The following MECOM variants were observed in gnomAD, a reference collection of about 807,000 sequenced individuals.
MECOM encodes histone-lysine N-methyltransferase MECOM.
MECOM carries 13 observed loss-of-function variants against 116.3 expected under a neutral mutation model. The observed-to-expected ratio is 0.11, with a 90% CI of 0.07 to 0.18. The LOEUF (loss-of-function observed/expected upper bound fraction) is 0.18. MECOM is among the 10% of genes least tolerant of loss of function. The pLI, the probability that MECOM is intolerant of heterozygous loss-of-function variation, is 1.00. For missense variants in MECOM, 1,299 were observed against 1,509.0 expected, an observed-to-expected ratio of 0.86 and a Z score of 2.31; for synonymous variants, 528 against 535.2, an observed-to-expected ratio of 0.99 and a Z score of 0.19.
chr3:169,220,932 T>C (rs1195944586), intron 2 of MECOM, among the ~76,000 whole-genome samples: 1 of 152,160 alleles, frequency 6.6e-6, no homozygotes, highest in African/African-American at 2.4e-5. Flanking sequence ...AATCATTTGC[T>C]AAATCAATGA....
chr3:169,288,749 T>C (rs1713881547), intron 2 of MECOM, among the ~76,000 whole-genome samples: 1 of 152,194 alleles, frequency 6.6e-6, no homozygotes, highest in African/African-American at 2.4e-5. Flanking sequence ...GTGATGCTAA[T>C]AGATCTCAAG....
At chr3:169,320,441 A>G (rs535436605) in intron 2 of MECOM, among the ~76,000 whole-genome samples, 1 of 152,326 alleles carries the variant, frequency 6.6e-6, no homozygotes, top group African/African-American at 2.4e-5. Flanking sequence ...AAGGATAAAG[A>G]GGGATCTGAG....
At chr3:169,352,582 C>T (rs1726516352) in intron 2 of MECOM, among the ~76,000 whole-genome samples, 1 of 151,788 alleles carries the variant, frequency 6.6e-6, no homozygotes, top group Non-Finnish European at 1.5e-5. Flanking sequence ...AAAAACCAAA[C>T]CAACAATTTT....
chr3:169,517,751 A>G (rs1003770859), intron 1 of MECOM, among the ~76,000 whole-genome samples: 3 of 152,214 alleles, frequency 2.0e-5, no homozygotes, highest in Non-Finnish European at 4.4e-5. Context: ...TGAAAGCCCA[A>G]GGATTTCCAT....
intron 1 of MECOM, among the ~76,000 whole-genome samples, chr3:169,555,249 A>C (rs1176136525): frequency 6.6e-6 from 1 of 152,200 alleles, no homozygotes; most frequent in Non-Finnish European, 1.5e-5. Flanking sequence ...TTTATACCTA[A>C]TATGGGCCAG....
chr3:169,440,472 G>C (rs1332985887), intron 1 of MECOM, among the ~76,000 whole-genome samples: 1 of 148,562 alleles, frequency 6.7e-6, no homozygotes, highest in Non-Finnish European at 1.5e-5. Flanking sequence ...TTCCAGGCAG[G>C]AGAAACCCAA....
rs142055625 is a variant in MECOM, at chr3:169,392,450, T to A, written c.38-10926A>T. On this transcript the variant is annotated intron_variant, in intron 1 of 16. Transcript: ENST00000651503. ...GATGATTGAAGTGTTGAGGTGATAA[T>A]CTTTGCCAAAGATGCTACTGCTCAG... Among the ~76,000 whole-genome samples the A allele has an allele frequency of 1.8e-3, 275 of 152,296 alleles. 3 individuals carry two copies. The highest frequency in any genetic ancestry group is 6.4e-3 in the African/African-American group (267 of 41,564).
intron 2 of MECOM, among the ~76,000 whole-genome samples, chr3:169,314,733 C>T (rs1170449652): frequency 2.0e-5 from 3 of 151,882 alleles, no homozygotes; most frequent in Admixed American, 6.6e-5. Flanking sequence ...CAAGCATTGG[C>T]CGCAGAAACT....
At chr3:169,502,354 A>G (rs1359250540) in intron 1 of MECOM, among the ~76,000 whole-genome samples, 1 of 152,112 alleles carries the variant, frequency 6.6e-6, no homozygotes, top group Admixed American at 6.5e-5. Context: ...TCCTGCTACA[A>G]GACCTATCCT....
At chr3:169,572,676 G>A (rs1438994284) in intron 1 of MECOM, among the ~76,000 whole-genome samples, 3 of 151,380 alleles carry the variant, frequency 2.0e-5, no homozygotes, top group Admixed American at 2.0e-4. Flanking sequence ...AAAGGATGCA[G>A]GGACATGGAT....
intron 2 of MECOM, among the ~76,000 whole-genome samples, chr3:169,313,099 G>T (rs2149735298): frequency 6.6e-6 from 1 of 152,260 alleles, no homozygotes; most frequent in South Asian, 2.1e-4. Context: ...TGGTTTGCAA[G>T]AACTCAAGCA....
intron 1 of MECOM, among the ~76,000 whole-genome samples, chr3:169,582,787 A>T (rs149407216): frequency 6.6e-6 from 1 of 152,224 alleles, no homozygotes; most frequent in African/African-American, 2.4e-5. Context: ...GAGGAGGCAC[A>T]TTGTACAAGT....
In MECOM at chr3:169,084,963, A is replaced by G. The variant is rs1364127808; in HGVS notation, c.3666T>C (p.Ser1222=). The G allele has an allele frequency of 1.9e-6, 3 of 1,614,146 alleles. No homozygotes were observed. The highest frequency in any genetic ancestry group is 1.1e-5 in the South Asian group (1 of 91,080). The change falls in exon 17 of 17, where the codon AGT becomes AGC. Residue 1222 remains serine, a synonymous_variant. Transcript: ENST00000651503. ...TGGATTCCGCCGCAGCCCTGGCCAT[A>G]CTGTGCCACACGTTGGAAGAACTGT... is the stretch of plus-strand genomic sequence containing the variant. ...TSHSSSNVWH[S]MARAAAESSA...
At chr3:169,125,126 C>A (rs79883031) in intron 5 of MECOM, among the ~76,000 whole-genome samples, 1 of 152,228 alleles carries the variant, frequency 6.6e-6, no homozygotes, top group Non-Finnish European at 1.5e-5. Flanking sequence ...ATTCTGAGCA[C>A]AGGTGGTGAT....
chr3:169,636,314 G>C (rs1323570028), intron 1 of MECOM, among the ~76,000 whole-genome samples: 1 of 152,142 alleles, frequency 6.6e-6, no homozygotes, highest in Non-Finnish European at 1.5e-5. Flanking sequence ...CCTTCCCCTA[G>C]TAAGAATCTT....
At chr3:169,309,239 C>A (rs2149726819) in intron 2 of MECOM, among the ~76,000 whole-genome samples, 1 of 152,150 alleles carries the variant, frequency 6.6e-6, no homozygotes, top group African/African-American at 2.4e-5. Context: ...GACAAAAAAA[C>A]CTAAATGGTT....
intron 1 of MECOM, among the ~76,000 whole-genome samples, chr3:169,639,346 G>A (rs996768057): frequency 6.6e-6 from 1 of 152,150 alleles, no homozygotes; most frequent in Non-Finnish European, 1.5e-5. Context: ...GCCTAACTCA[G>A]TCCAATTAGA....
chr3:169,632,828 G>T (rs1416636153), intron 1 of MECOM, among the ~76,000 whole-genome samples: 2 of 152,174 alleles, frequency 1.3e-5, no homozygotes, highest in East Asian at 3.9e-4. Context: ...CTGAACAAAG[G>T]TTGTAAATCA....
At chr3:169,197,137 C>T (rs1015261430) in intron 2 of MECOM, among the ~76,000 whole-genome samples, 12 of 151,642 alleles carry the variant, frequency 7.9e-5, no homozygotes, top group South Asian at 4.2e-4. Flanking sequence ...CACAAAGAAG[C>T]GAACTATAGA....
Sources: allele counts gnomAD v4.1 joint callset (sites outside exome capture counted in the v4.1 genomes callset), GRCh38; gene constraint gnomAD v4.1.1; transcripts MANE v1.5; gene names NCBI Gene and HGNC (gene_info 2026-07-23, HGNC 2026-07-21).